COL22A1: variants seen among roughly 807,000 people sequenced by gnomAD.
COL22A1 encodes collagen alpha-1(XXII) chain.
A neutral mutation model predicts 248.9 loss-of-function variants in COL22A1; 221 were observed. That is an observed-to-expected ratio of 0.89 (90% CI 0.80 to 0.99). COL22A1 has a LOEUF of 0.99. Ranked by LOEUF, COL22A1 falls within the 50% of genes least tolerant of loss-of-function variation. The pLI is 0.00. For synonymous variants in COL22A1, 891 were observed against 793.4 expected, an observed-to-expected ratio of 1.12 and a Z score of -2.07; for missense variants, 2,240 against 2,179.0, an observed-to-expected ratio of 1.03 and a Z score of -0.56.
chr8:138,739,755 A>G (rs1270545902), intron 22 of COL22A1, among the ~76,000 whole-genome samples: 1 of 152,174 alleles, frequency 6.6e-6, no homozygotes, highest in Non-Finnish European at 1.5e-5. Flanking sequence ...AAAGTTAGAG[A>G]AAAGTGATAT....
intron 59 of COL22A1, 93 bp downstream of exon 59, chr8:138,604,641 T>C (rs1440389409): frequency 1.0e-6 from 1 of 1,000,606 alleles, no homozygotes; most frequent in Admixed American, 1.9e-5. Flanking sequence ...TTAAGGCAAG[T>C]GTGGGCCCTT....
At chr8:138,775,551 T>C (rs10092896) in intron 16 of COL22A1, among the ~76,000 whole-genome samples, 63,266 of 152,032 alleles carry the variant, frequency 0.42, 16,342 homozygotes, top group African/African-American at 0.73. Context: ...CACTCATTCT[T>C]CCATTTGTTT....
chr8:138,856,215 C>G (rs533470983), intron 3 of COL22A1, among the ~76,000 whole-genome samples: 3 of 152,348 alleles, frequency 2.0e-5, no homozygotes, highest in East Asian at 1.9e-4. Flanking sequence ...AAGGCGTGGC[C>G]GCATTGCTGC....
intron 7 of COL22A1, among the ~76,000 whole-genome samples, chr8:138,815,636 G>C (rs1818618543): frequency 6.6e-6 from 1 of 152,170 alleles, no homozygotes; most frequent in Non-Finnish European, 1.5e-5. Context: ...GATTCTGTCT[G>C]TTTCTTAGCT....
chr8:138,706,359 C>T (rs1347737610), intron 30 of COL22A1, among the ~76,000 whole-genome samples: 2 of 152,112 alleles, frequency 1.3e-5, no homozygotes, highest in Admixed American at 6.6e-5. Context: ...ACATCTCATT[C>T]ATTCCAAAAT....
intron 1 of COL22A1, among the ~76,000 whole-genome samples, chr8:138,895,785 G>A (rs1825371330): frequency 6.6e-6 from 1 of 152,194 alleles, no homozygotes; most frequent in Non-Finnish European, 1.5e-5. Flanking sequence ...CAAACTTGCT[G>A]AGATCCTAGA....
At chr8:138,755,269 C>T in intron 20 of COL22A1, 59 bp from the exon 21 acceptor site, 1 of 1,529,448 alleles carries the variant, frequency 6.5e-7, no homozygotes, top group Non-Finnish European at 9.1e-7. Flanking sequence ...TGATCAGGCC[C>T]ACCATCACCC....
chr8:138,757,217 C>T (rs1279536084), intron 18 of COL22A1, among the ~76,000 whole-genome samples: 3 of 152,164 alleles, frequency 2.0e-5, no homozygotes, highest in Non-Finnish European at 2.9e-5. Context: ...TCAACATCTC[C>T]AAACAGAGTC....
intron 3 of COL22A1, among the ~76,000 whole-genome samples, chr8:138,863,494 G>C (rs1822640466): frequency 6.6e-6 from 1 of 152,160 alleles, no homozygotes; most frequent in Admixed American, 6.5e-5. Context: ...TGGGGGCCTA[G>C]GGGTACATGG....
intron 15 of COL22A1, among the ~76,000 whole-genome samples, chr8:138,776,520 A>G (rs1272787760): frequency 6.6e-6 from 1 of 151,848 alleles, no homozygotes. Context: ...CAGCACCTAG[A>G]CCTTGTGCTG....
At chr8:138,908,914 G>T (rs555263205) in intron 1 of COL22A1, among the ~76,000 whole-genome samples, 1 of 152,192 alleles carries the variant, frequency 6.6e-6, no homozygotes, top group Non-Finnish European at 1.5e-5. Flanking sequence ...TGCACTGGAG[G>T]TTGCCTTAGG....
rs184653534 is a variant in COL22A1, at chr8:138,758,962, C to T, written c.1902+1281G>A. Among the ~76,000 whole-genome samples the T allele has an allele frequency of 1.7e-3, 258 of 152,278 alleles. 1 individual carries two copies. The highest frequency in any genetic ancestry group is 6.8e-3 in the Middle Eastern group (2 of 294). On this transcript the variant is annotated intron_variant, in intron 18 of 64. Transcript: ENST00000303045. ...CATCACCTAGATCCAGACTTCAAGGCTCATTCCCTCTTTGTGACTTGAAAT... is the reference window on the plus strand; with the variant it reads ...CATCACCTAGATCCAGACTTCAAGGTTCATTCCCTCTTTGTGACTTGAAAT...
At chr8:138,768,455 G>A (rs1054847540) in intron 16 of COL22A1, among the ~76,000 whole-genome samples, 2 of 152,216 alleles carry the variant, frequency 1.3e-5, no homozygotes, top group Non-Finnish European at 2.9e-5. Flanking sequence ...GGCGTGCACT[G>A]TGGCAGAGAC....
rs781039002 is a variant in COL22A1 at position 138,844,103 on chromosome 8, T to C, written c.714A>G (p.Gly238=). 1.9e-6 allele frequency: 3 copies of C among 1,614,124 alleles called. No homozygotes were observed. Among genetic ancestry groups the C allele is most frequent in the Non-Finnish European group, 2.5e-6 (3 of 1,179,956 alleles). The change falls in exon 4 of 65, where the codon GGA becomes GGG. Residue 238 remains glycine, a synonymous_variant. Transcript: ENST00000303045. ...CCTTACCTGTGATTTCCTTGGTTCC[T>C]CCATTGGTGTGCTTAAAGCGATCTC... ...VEGDRFKHTN[G]GTKEITGFDL...
chr8:138,895,743 A>C (rs1825368261), intron 1 of COL22A1, among the ~76,000 whole-genome samples: 2 of 152,228 alleles, frequency 1.3e-5, no homozygotes, highest in African/African-American at 2.4e-5. Flanking sequence ...CGGAGCTCAA[A>C]AACTTAAAAG....
chr8:138,686,362 G>C (rs1193442764), intron 37 of COL22A1, among the ~76,000 whole-genome samples: 1 of 152,304 alleles, frequency 6.6e-6, no homozygotes, highest in South Asian at 2.1e-4. Flanking sequence ...TGAGCCCCGC[G>C]AACCAGACGG....
chr8:138,621,129 A>G (rs1819768083), intron 52 of COL22A1, among the ~76,000 whole-genome samples: 1 of 152,222 alleles, frequency 6.6e-6, no homozygotes, highest in Non-Finnish European at 1.5e-5. Flanking sequence ...TACCTGTAGC[A>G]GATGCTGCCA....
intron 5 of COL22A1, among the ~76,000 whole-genome samples, chr8:138,829,006 C>A (rs1011696580): frequency 3.9e-5 from 6 of 152,178 alleles, no homozygotes; most frequent in Non-Finnish European, 8.8e-5. Context: ...GTGGACCCTG[C>A]CTGGCCAGAC....
Position 138,878,203 on chromosome 8 carries a change from C to A in COL22A1, c.205G>T (p.Glu69Ter). 6.3e-7 allele frequency: 1 copy of A among 1,598,076 alleles called. No individual in the cohort carries two copies. Among genetic ancestry groups the A allele is most frequent in the Non-Finnish European group, 8.5e-7 (1 of 1,172,926 alleles). The change falls in exon 3 of 65, where the codon GAG (glutamate) becomes TAG (stop). Residue 69 changes from glutamate (E) to a stop codon, truncating the protein, a stop_gained. Coordinates refer to ENST00000303045, the MANE Select transcript of COL22A1 (RefSeq NM_152888.3). LOFTEE classifies it high-confidence loss of function. ...ACACGGGTGCGGTCGGGGCCCACCT[C>A]GAAGGTGTCCACCAGGTTGGCCACC... Reference protein sequence around the residue: ...QWVANLVDTFEVGPDRTRVGV... With the variant: ...QWVANLVDTF
Sources: gnomAD v4.1 joint callset for allele counts (sites outside exome capture counted in the v4.1 genomes callset) on GRCh38, gnomAD v4.1.1 for gene constraint, MANE v1.5 for transcripts, NCBI Gene and HGNC (gene_info 2026-07-23, HGNC 2026-07-21) for gene names.